The following SLC24A2 variants were observed in gnomAD, a reference collection of about 807,000 sequenced individuals.
SLC24A2 encodes solute carrier family 24 member 2, also known as sodium/potassium/calcium exchanger 2.
SLC24A2 carries 36 observed loss-of-function variants against 62.0 expected under a neutral mutation model. The observed-to-expected ratio is 0.58, with a 90% CI of 0.44 to 0.77. SLC24A2 has a LOEUF of 0.77. SLC24A2 is among the 30% of genes least tolerant of loss of function. SLC24A2 has a pLI of 0.00. For missense variants in SLC24A2, 846 were observed against 817.9 expected, an observed-to-expected ratio of 1.03 and a Z score of -0.42; for synonymous variants, 358 against 294.0, an observed-to-expected ratio of 1.22 and a Z score of -2.23.
the SLC24A2 span, among the ~76,000 whole-genome samples, chr9:20,084,992 T>C: frequency 1.3e-5 from 2 of 152,086 alleles, no homozygotes; most frequent in Non-Finnish European, 2.9e-5. Flanking sequence ...CAAGGTCTGT[T>C]CTGTTTGTTT....
intron 2 of SLC24A2, among the ~76,000 whole-genome samples, chr9:19,760,086 G>C (rs1238921400): frequency 6.6e-6 from 1 of 152,060 alleles, no homozygotes; most frequent in African/African-American, 2.4e-5. Context: ...TTGGAAATCT[G>C]TTGCCTCCTA....
intron 10 of SLC24A2, 78 bp downstream of exon 10, chr9:19,520,816 T>A: frequency 7.3e-7 from 1 of 1,372,108 alleles, no homozygotes; most frequent in Non-Finnish European, 1.0e-6. Context: ...GAGATCCTGG[T>A]CATGTCTTTC....
At chr9:20,234,201 T>C in the SLC24A2 span, among the ~76,000 whole-genome samples, 3 of 152,256 alleles carry the variant, frequency 2.0e-5, no homozygotes, top group Non-Finnish European at 4.4e-5. Flanking sequence ...GACAATTATG[T>C]GTCTTGGAGT....
chr9:20,228,227 T>C, the SLC24A2 span, among the ~76,000 whole-genome samples: 1 of 152,118 alleles, frequency 6.6e-6, no homozygotes, highest in Non-Finnish European at 1.5e-5. Flanking sequence ...AATTTCCTCT[T>C]AGTAGAAGAG....
intron 2 of SLC24A2, among the ~76,000 whole-genome samples, chr9:19,667,637 C>T (rs1196062776): frequency 6.6e-6 from 1 of 152,114 alleles, no homozygotes; most frequent in African/African-American, 2.4e-5. Flanking sequence ...CCATTCTTCC[C>T]CAGTGAAGCA....
chr9:19,960,201 CA>C, the SLC24A2 span, among the ~76,000 whole-genome samples: 1 of 152,144 alleles, frequency 6.6e-6, no homozygotes, highest in African/African-American at 2.4e-5. Flanking sequence ...CACACACTCA[CA>C]CATAACCACA....
At position 19,762,737 on chromosome 9, in the gene SLC24A2, T is replaced by A. The variant is rs1030936405; in HGVS notation, c.930+23200A>T. Among the ~76,000 whole-genome samples the A allele has an allele frequency of 2.0e-4, 30 of 151,916 alleles. 1 individual carries two copies. Among genetic ancestry groups the A allele is most frequent in the African/African-American group, 7.2e-4 (30 of 41,460 alleles). On this transcript the variant is annotated intron_variant, in intron 2 of 10. Transcript: ENST00000341998. ...CCTTGTAGTATAGTTTGAAGTCAGG[T>A]AGCTTGATGCCTCCAGCTTTGTTCT...
intron 2 of SLC24A2, among the ~76,000 whole-genome samples, chr9:19,702,981 G>C (rs188556448): frequency 1.1e-4 from 16 of 152,136 alleles, no homozygotes; most frequent in Non-Finnish European, 1.8e-4. Context: ...GTAAATAAAT[G>C]CAATGCAATG....
chr9:19,664,280 C>T (rs1819185501), intron 2 of SLC24A2, among the ~76,000 whole-genome samples: 2 of 152,162 alleles, frequency 1.3e-5, no homozygotes, highest in Non-Finnish European at 2.9e-5. Flanking sequence ...TGCAGGGTTT[C>T]TTTAAATGGT....
chr9:20,273,991 T>G, the SLC24A2 span, among the ~76,000 whole-genome samples: 4 of 152,240 alleles, frequency 2.6e-5, no homozygotes, highest in African/African-American at 7.2e-5. Flanking sequence ...TTGTGATGGA[T>G]GAGAGAAAGA....
At chr9:20,122,664 C>T in the SLC24A2 span, among the ~76,000 whole-genome samples, 254 of 152,138 alleles carry the variant, frequency 1.7e-3, 3 homozygotes, top group South Asian at 6.2e-4. Flanking sequence ...CCAGCCTGGG[C>T]GACAGAGCTA....
chr9:20,055,513 G>C, the SLC24A2 span, among the ~76,000 whole-genome samples: 3 of 152,098 alleles, frequency 2.0e-5, no homozygotes, highest in Non-Finnish European at 4.4e-5. Flanking sequence ...GTAACTTTTA[G>C]ATGAGAAAAC....
chr9:19,543,537 T>C (rs912102333), intron 8 of SLC24A2, among the ~76,000 whole-genome samples: 7 of 152,222 alleles, frequency 4.6e-5, no homozygotes, highest in African/African-American at 1.7e-4. Context: ...GTGTCGATTT[T>C]AGATCTTTTC....
chr9:19,628,058 T>C (rs530070772), intron 2 of SLC24A2, among the ~76,000 whole-genome samples: 6 of 152,318 alleles, frequency 3.9e-5, no homozygotes, highest in African/African-American at 1.2e-4. Context: ...ATTAATATCT[T>C]TTACCCAACT....
intron 10 of SLC24A2, among the ~76,000 whole-genome samples, chr9:19,517,578 G>A (rs939680429): frequency 1.3e-5 from 2 of 152,196 alleles, no homozygotes; most frequent in Non-Finnish European, 2.9e-5. Context: ...GGGTGCATAT[G>A]TTAACCTGGG....
chr9:19,535,202 G>A (rs1833899159), intron 8 of SLC24A2, among the ~76,000 whole-genome samples: 1 of 151,948 alleles, frequency 6.6e-6, no homozygotes. Flanking sequence ...CTTTTTGATG[G>A]GGTTGTTTTT....
At chr9:20,130,829 G>T in the SLC24A2 span, among the ~76,000 whole-genome samples, 1 of 152,072 alleles carries the variant, frequency 6.6e-6, no homozygotes, top group African/African-American at 2.4e-5. Flanking sequence ...AGCTGTGTGG[G>T]AATGGTGAAG....
chr9:20,132,461 T>G, the SLC24A2 span, among the ~76,000 whole-genome samples: 2 of 152,244 alleles, frequency 1.3e-5, no homozygotes, highest in Non-Finnish European at 2.9e-5. Flanking sequence ...TTTGAGTTTT[T>G]GGGGTTTTTT....
At chr9:19,552,129 C>G (rs934259549) in intron 7 of SLC24A2, among the ~76,000 whole-genome samples, 1 of 152,200 alleles carries the variant, frequency 6.6e-6, no homozygotes, top group Admixed American at 6.5e-5. Context: ...ATGCAATTCA[C>G]ATATTATTCC....
Sources: allele counts gnomAD v4.1 joint callset (sites outside exome capture counted in the v4.1 genomes callset), GRCh38; gene constraint gnomAD v4.1.1; transcripts MANE v1.5; gene names NCBI Gene and HGNC (gene_info 2026-07-23, HGNC 2026-07-21).